Variants in TRDN observed in about 807,000 individuals in gnomAD.
TRDN encodes the protein triadin in skeletal muscle.
Under a neutral mutation model 149.7 loss-of-function variants are expected in TRDN, and 161 were observed. The ratio of observed to expected loss-of-function variants is 1.08; its 90% CI spans 0.95 to 1.23. The LOEUF is 1.23. Among genes scored for constraint, TRDN ranks in the 50% most tolerant of loss-of-function variants. TRDN has a pLI of 0.00. For synonymous variants in TRDN, 294 were observed against 250.5 expected (o/e 1.17, Z -1.64); for missense variants, 896 against 823.5 (o/e 1.09, Z -1.08).
intron 10 of TRDN, among the ~76,000 whole-genome samples, chr6:123,459,917 T>TA (rs1776354192): frequency 6.6e-6 from 1 of 152,196 alleles, no homozygotes; most frequent in East Asian, 1.9e-4. Context: ...ATCTTCTCTT[T>TA]AAAATGACAT....
At chr6:123,618,368 A>T (rs1480640267) in intron 1 of TRDN, among the ~76,000 whole-genome samples, 1 of 152,086 alleles carries the variant, frequency 6.6e-6, no homozygotes, top group African/African-American at 2.4e-5. Flanking sequence ...CTCTATCTTC[A>T]AAGCCAGTGC....
At chr6:123,617,083 AAATT>A (rs1785128230) in intron 1 of TRDN, among the ~76,000 whole-genome samples, 1 of 152,140 alleles carries the variant, frequency 6.6e-6, no homozygotes, top group Non-Finnish European at 1.5e-5. Context: ...GGGTTTCATG[AAATT>A]AATCTCTGAC....
intron 9 of TRDN, chr6:123,469,757 A>T (rs1352598734): frequency 6.5e-6 from 1 of 153,888 alleles, no homozygotes; most frequent in Admixed American, 6.5e-5. Context: ...GCCAGAGGAC[A>T]AGAGAGAAAG....
chr6:123,381,319 T>C (rs1382739995), intron 16 of TRDN, 51 bp downstream of exon 16: 1 of 1,513,378 alleles, frequency 6.6e-7, no homozygotes, highest in Non-Finnish European at 9.0e-7. Context: ...AGCAGGCAAA[T>C]AATAGTAGTA....
chr6:123,252,051 G>C (rs1192951118), intron 38 of TRDN, among the ~76,000 whole-genome samples: 3 of 152,092 alleles, frequency 2.0e-5, no homozygotes, highest in Middle Eastern at 3.4e-3. Flanking sequence ...ATCACTGTTC[G>C]ACCATATGTG....
rs993120567 is a variant in TRDN at position 123,265,421 on chromosome 6, T to A, written c.1784-83A>T. Reference sequence around the variant, plus strand: ...ACATATCAGCCCTTTATATTTCCTATTTTTGCTTTTTATTGTAAAAATAAG... The same window carrying A: ...ACATATCAGCCCTTTATATTTCCTAATTTTGCTTTTTATTGTAAAAATAAG... On this transcript the variant is annotated intron_variant, in intron 32 of 40. Transcript: ENST00000334268. The A allele has an allele frequency of 6.7e-6, 6 of 892,132 alleles. No homozygotes were observed. The African/African-American group carries it at 1.1e-4, about 16-fold the overall frequency. The allele number at this position is 892,132 out of a possible 1,614,324, so 55.3% of individuals were successfully genotyped here.
rs1783989640 is a variant in TRDN at position 123,595,471 on chromosome 6, A to T, written c.23-24339T>A. 2.0e-5 allele frequency among the ~76,000 whole-genome samples: 3 copies of T among 152,132 alleles called. No individual in the cohort carries two copies. The South Asian group carries it at 6.2e-4, about 31-fold the overall frequency. ...GTGAACTTACCATAAAGAGATTTGG[A>T]AATCGAAGTGAGAAATTAAAAGCAT... On this transcript the variant is annotated intron_variant, in intron 1 of 40. Coordinates refer to ENST00000334268, the MANE Select transcript of TRDN (RefSeq NM_006073.4).
Position 123,636,887 on chromosome 6 carries a change from C to CT in TRDN, c.-113dup, listed in dbSNP as rs1786353517. ...AGGGTTCTGTGTCAAAACCTGGGGGCTCTTCGTTTTCCTGGCTGTTTCTGC... is the reference window on the plus strand; with the variant it reads ...AGGGTTCTGTGTCAAAACCTGGGGGCTTCTTCGTTTTCCTGGCTGTTTCTGC... On this transcript the variant is annotated 5_prime_UTR_variant, in exon 1 of 41. Coordinates refer to ENST00000334268, the MANE Select transcript of TRDN (RefSeq NM_006073.4). 8.9e-5 allele frequency: 114 copies of CT among 1,283,316 alleles called. 1 individual carries two copies. In the South Asian group the frequency reaches 1.1e-3, roughly 13 times the overall value. The allele number at this position is 1,283,316 out of a possible 1,614,324, so 79.5% of individuals were successfully genotyped here.
At chr6:123,594,097 A>G (rs185166588) in intron 1 of TRDN, among the ~76,000 whole-genome samples, 1 of 152,312 alleles carries the variant, frequency 6.6e-6, no homozygotes, top group East Asian at 1.9e-4. Context: ...GTGCACATAC[A>G]TGCAAACACC....
chr6:123,392,051 G>T (rs1052374110), intron 13 of TRDN, among the ~76,000 whole-genome samples: 1 of 151,984 alleles, frequency 6.6e-6, no homozygotes, highest in Admixed American at 6.6e-5. Context: ...TTTAGTAAAC[G>T]CATACACAGA....
chr6:123,629,356 G>C (rs1351785763), intron 1 of TRDN, among the ~76,000 whole-genome samples: 1 of 152,098 alleles, frequency 6.6e-6, no homozygotes, highest in African/African-American at 2.4e-5. Flanking sequence ...AATACTAAGA[G>C]TTTTTCCTTC....
intron 7 of TRDN, among the ~76,000 whole-genome samples, chr6:123,508,077 T>C (rs2114845924): frequency 6.6e-6 from 1 of 152,304 alleles, no homozygotes; most frequent in South Asian, 2.1e-4. Context: ...AACTTTGAAT[T>C]CTGCAAAATA....
At chr6:123,482,919 T>C (rs1777808818) in intron 9 of TRDN, among the ~76,000 whole-genome samples, 1 of 151,952 alleles carries the variant, frequency 6.6e-6, no homozygotes, top group Non-Finnish European at 1.5e-5. Context: ...AGTGGGCATT[T>C]GTAAGACAGA....
chr6:123,461,982 G>A (rs1776475181), intron 10 of TRDN, among the ~76,000 whole-genome samples: 1 of 152,038 alleles, frequency 6.6e-6, no homozygotes, highest in Non-Finnish European at 1.5e-5. Flanking sequence ...CTTAAAAGAT[G>A]AGAATTAATA....
rs67160946 is a variant in TRDN, at chr6:123,622,318, G to GACAC, written c.22+14432_22+14435dup. On this transcript the variant is annotated intron_variant, in intron 1 of 40. Coordinates refer to ENST00000334268, the MANE Select transcript of TRDN (RefSeq NM_006073.4). ...CTCTCTCTCTCTATATATATATACAGACACACACACACACACACACACACA... is the reference window on the plus strand; with the variant it reads ...CTCTCTCTCTCTATATATATATACAGACACACACACACACACACACACACACACA... Among the ~76,000 whole-genome samples the GACAC allele has an allele frequency of 6.4e-3, 789 of 123,704 alleles. 5 individuals carry two copies. The highest frequency in any genetic ancestry group is 0.021 in the African/African-American group (687 of 32,536). 81.2% of individuals were successfully genotyped at this position (123,704 alleles called of 152,430 possible).
In TRDN at chr6:123,464,905, C is replaced by T; in HGVS notation, c.931+1G>A. The T allele has an allele frequency of 6.3e-7, 1 of 1,577,542 alleles. No individual in the cohort carries two copies. Among genetic ancestry groups the T allele is most frequent in the Non-Finnish European group, 8.6e-7 (1 of 1,160,696 alleles). On this transcript the variant is annotated splice_donor_variant, in intron 10 of 40. Coordinates refer to ENST00000334268, the MANE Select transcript of TRDN (RefSeq NM_006073.4). LOFTEE classifies it high-confidence loss of function. ...TCTTTAAGAAAAAAAAAAGTACTTGCCTTCAAGGGCAGGTGATGCCGGAGT... is the reference window on the plus strand; with the variant it reads ...TCTTTAAGAAAAAAAAAAGTACTTGTCTTCAAGGGCAGGTGATGCCGGAGT...
At chr6:123,421,824 A>AAAAAAG (rs1773917370) in intron 12 of TRDN, among the ~76,000 whole-genome samples, 1 of 150,866 alleles carries the variant, frequency 6.6e-6, no homozygotes, top group Non-Finnish European at 1.5e-5. Context: ...AAAAAAAAAA[A>AAAAAAG]TTGGCCCAGT....
intron 12 of TRDN, among the ~76,000 whole-genome samples, chr6:123,399,194 C>T (rs1416170086): frequency 6.6e-6 from 1 of 151,982 alleles, no homozygotes; most frequent in African/African-American, 2.4e-5. Context: ...CAAAATCTAC[C>T]TATAGATGTT....
chr6:123,388,966 T>C (rs943549041), intron 13 of TRDN, among the ~76,000 whole-genome samples: 1 of 152,172 alleles, frequency 6.6e-6, no homozygotes, highest in Admixed American at 6.6e-5. Flanking sequence ...TGAGGAATTA[T>C]ATACTAGTCT....
Sources: allele counts gnomAD v4.1 joint callset (sites outside exome capture counted in the v4.1 genomes callset), GRCh38; gene constraint gnomAD v4.1.1; transcripts MANE v1.5; gene names NCBI Gene and HGNC (gene_info 2026-07-23, HGNC 2026-07-21).